The following SCAPER variants were observed in gnomAD, a reference collection of about 807,000 sequenced individuals.
SCAPER encodes S-phase cyclin A associated protein in the ER.
A neutral mutation model predicts 182.2 loss-of-function variants in SCAPER; 98 were observed. The ratio of observed to expected loss-of-function variants is 0.54; its 90% confidence interval spans 0.46 to 0.64. The LOEUF (loss-of-function observed/expected upper bound fraction) is 0.64, where lower values mean the gene tolerates loss of function less well. SCAPER is among the 30% of genes least tolerant of loss of function. The probability of loss-of-function intolerance (pLI) is 0.00; values close to 1 mark genes in which losing one functional copy is unlikely to be tolerated. For synonymous variants in SCAPER, 605 were observed against 564.6 expected, an observed-to-expected ratio of 1.07 and a Z score of -1.01; for missense variants, 1,432 against 1,690.0, an observed-to-expected ratio of 0.85 and a Z score of 2.68.
At chr15:76,646,731 A>G (rs1456844120) in intron 21 of SCAPER, among the ~76,000 whole-genome samples, 1 of 152,178 alleles carries the variant, frequency 6.6e-6, no homozygotes, top group Non-Finnish European at 1.5e-5. Flanking sequence ...AAGCAACCAC[A>G]TGTACTCTCA....
chr15:76,798,841 G>T (rs4886829), intron 7 of SCAPER, among the ~76,000 whole-genome samples: 57,753 of 151,684 alleles, frequency 0.38, 13,035 homozygotes, highest in Middle Eastern at 0.53. Context: ...GACAAACACC[G>T]AGAACATCTG....
intron 20 of SCAPER, among the ~76,000 whole-genome samples, chr15:76,676,194 G>A (rs2057362189): frequency 1.3e-5 from 2 of 152,098 alleles, no homozygotes; most frequent in South Asian, 4.2e-4. Context: ...TTTGAACTCT[G>A]CTCAGAACCT....
intron 22 of SCAPER, among the ~76,000 whole-genome samples, chr15:76,585,324 T>C (rs1404886845): frequency 6.6e-6 from 1 of 151,936 alleles, no homozygotes; most frequent in East Asian, 1.9e-4. Context: ...AAAGAGAATA[T>C]TAAAAATAAA....
intron 2 of SCAPER, 48 bp from the exon 3 acceptor site, chr15:76,862,581 A>G (rs534812446): frequency 4.3e-6 from 5 of 1,168,476 alleles, no homozygotes; most frequent in African/African-American, 1.6e-5. Flanking sequence ...ATAAGTCAAA[A>G]TATATATTTA....
At chr15:76,877,005 G>C (rs965248146) in intron 2 of SCAPER, among the ~76,000 whole-genome samples, 5 of 152,162 alleles carry the variant, frequency 3.3e-5, no homozygotes, top group African/African-American at 1.2e-4. Flanking sequence ...GGAAGCCAAA[G>C]CTGGAGGATT....
At chr15:76,548,167 A>G (rs1051264599) in intron 23 of SCAPER, among the ~76,000 whole-genome samples, 2 of 152,164 alleles carry the variant, frequency 1.3e-5, no homozygotes, top group Admixed American at 1.3e-4. Context: ...AATTTTACAT[A>G]AACACGCTCT....
rs201103561 is a variant in SCAPER, at chr15:76,381,467, C to T, written c.3616G>A (p.Glu1206Lys). 2,838 of 1,613,832 alleles carry T rather than the reference C, an allele frequency of 1.8e-3. 6 individuals carry two copies. Among genetic ancestry groups the T allele is most frequent in the Non-Finnish European group, 1.5e-3 (1,819 of 1,179,856 alleles). ...TGGATGGTATTTTGAGTGTAATTCT[C>T]CTTGGGACTGGCAGTGCTGGGGTCC... ...ILDPSTASPK[E>K]NYTQNTIQVA... Residue 1206 changes from glutamate (E) to lysine (K), a missense_variant, in exon 28 of 32, where the codon GAG (glutamate) becomes AAG (lysine). By Grantham distance (56) the Glu-to-Lys change is moderately conservative. Transcript: ENST00000563290.
At chr15:76,590,327 C>G (rs1054200640) in intron 22 of SCAPER, among the ~76,000 whole-genome samples, 2 of 152,020 alleles carry the variant, frequency 1.3e-5, no homozygotes, top group Admixed American at 1.3e-4. Flanking sequence ...GAATAAGCAG[C>G]CTATGAAAAC....
intron 23 of SCAPER, among the ~76,000 whole-genome samples, chr15:76,557,985 T>C (rs75669156): frequency 0.083 from 12,599 of 152,066 alleles, 587 homozygotes; most frequent in Middle Eastern, 0.12. Context: ...TTACACCATA[T>C]AAAAAAATCA....
chr15:76,663,402 A>C (rs563907083), intron 21 of SCAPER, among the ~76,000 whole-genome samples: 3 of 152,264 alleles, frequency 2.0e-5, no homozygotes, highest in African/African-American at 7.2e-5. Flanking sequence ...TTTACCGAAG[A>C]GAAATAAAAA....
chr15:76,420,268 G>T (rs1321841498), intron 26 of SCAPER, among the ~76,000 whole-genome samples: 4 of 144,156 alleles, frequency 2.8e-5, no homozygotes, highest in Admixed American at 1.4e-4. Context: ...TAGAGATGGG[G>T]TCTATGTTGC....
chr15:76,870,942 GACA>G (rs1024081977), intron 2 of SCAPER, among the ~76,000 whole-genome samples: 15 of 151,662 alleles, frequency 9.9e-5, no homozygotes, highest in Admixed American at 2.6e-4. Flanking sequence ...AAAAAGTACC[GACA>G]ACAACAACAA....
At chr15:76,810,303 T>G (rs2066493902) in intron 5 of SCAPER, among the ~76,000 whole-genome samples, 1 of 151,944 alleles carries the variant, frequency 6.6e-6, no homozygotes, top group South Asian at 2.1e-4. Context: ...ATTTAAATTA[T>G]GTTAATGGGC....
intron 20 of SCAPER, among the ~76,000 whole-genome samples, chr15:76,676,654 T>C (rs1027313929): frequency 6.6e-6 from 1 of 151,936 alleles, no homozygotes; most frequent in Admixed American, 6.6e-5. Flanking sequence ...GGCACATGCA[T>C]TGAGATGATA....
Position 76,457,410 on chromosome 15 carries a change from T to C in SCAPER, c.3078+13802A>G, listed in dbSNP as rs893833569. ...ACACATTGGGTTTAGGTCTACTGTT[T>C]TATTATTTCTTTTCTGTTTGTCCCC... On this transcript the variant is annotated intron_variant, in intron 25 of 31. Transcript: ENST00000563290. Among the ~76,000 whole-genome samples the C allele has an allele frequency of 2.0e-5, 3 of 152,222 alleles. No homozygotes were observed. The South Asian group carries it at 6.2e-4, about 31-fold the overall frequency.
intron 27 of SCAPER, among the ~76,000 whole-genome samples, chr15:76,389,577 G>T (rs1223944796): frequency 6.8e-6 from 1 of 148,114 alleles, no homozygotes; most frequent in East Asian, 2.0e-4. Context: ...ACTTTGGGAG[G>T]CCGAGGCGGG....
At chr15:76,424,665 G>T (rs1382987783) in intron 26 of SCAPER, among the ~76,000 whole-genome samples, 1 of 152,170 alleles carries the variant, frequency 6.6e-6, no homozygotes, top group Non-Finnish European at 1.5e-5. Context: ...CCATTATGAT[G>T]TTAGCTGGTT....
intron 20 of SCAPER, among the ~76,000 whole-genome samples, chr15:76,681,409 A>C (rs1482747600): frequency 6.6e-6 from 1 of 152,244 alleles, no homozygotes; most frequent in African/African-American, 2.4e-5. Flanking sequence ...AGCTATCTGT[A>C]AGAGACCCAT....
chr15:76,582,687 T>C (rs1167174018), intron 22 of SCAPER, among the ~76,000 whole-genome samples: 1 of 152,208 alleles, frequency 6.6e-6, no homozygotes, highest in African/African-American at 2.4e-5. Flanking sequence ...TCACACTATC[T>C]GACCTCAAAG....
Sources: gnomAD v4.1 joint callset for allele counts (sites outside exome capture counted in the v4.1 genomes callset) on GRCh38, gnomAD v4.1.1 for gene constraint, MANE v1.5 for transcripts, NCBI Gene and HGNC (gene_info 2026-07-23, HGNC 2026-07-21) for gene names.